ZNF814: variants seen among roughly 807,000 people sequenced by gnomAD.
ZNF814 encodes the protein zinc finger protein 814.
A neutral mutation model predicts 7.5 loss-of-function variants in ZNF814; 5 were observed. The ratio of observed to expected loss-of-function variants is 0.67; its 90% CI spans 0.35 to 1.40. The LOEUF (loss-of-function observed/expected upper bound fraction) is 1.40. Among genes scored for constraint, ZNF814 ranks in the 40% most tolerant of loss-of-function variants. ZNF814 has a pLI of 0.04. For synonymous variants in ZNF814, 315 were observed against 340.7 expected (o/e 0.92, Z 0.83); for missense variants, 962 against 1,018.0 (o/e 0.94, Z 0.75).
At chr19:57,888,251 A>C (rs1168138425) in intron 1 of ZNF814, among the ~76,000 whole-genome samples, 1 of 152,176 alleles carries the variant, frequency 6.6e-6, no homozygotes, top group Non-Finnish European at 1.5e-5. Flanking sequence ...CTCTGTGCCC[A>C]TGGCCAACTA....
chr19:57,902,664 CTTTT>C, the ZNF814 span, among the ~76,000 whole-genome samples: 1 of 143,662 alleles, frequency 7.0e-6, no homozygotes, highest in Admixed American at 6.9e-5. Context: ...TATTACTCTT[CTTTT>C]TTTTTTTTTG....
chr19:57,903,288 T>C, the ZNF814 span, among the ~76,000 whole-genome samples: 5 of 152,200 alleles, frequency 3.3e-5, no homozygotes, highest in East Asian at 9.6e-4. Context: ...CACTCATCTG[T>C]GCAAACTGTC....
chr19:57,890,779 A>G (rs187132859), upstream of ZNF814, among the ~76,000 whole-genome samples: 81 of 152,204 alleles, frequency 5.3e-4, no homozygotes, highest in African/African-American at 1.8e-3. Flanking sequence ...TTTCTAATCT[A>G]TGGGGCCCTA....
upstream of ZNF814, among the ~76,000 whole-genome samples, chr19:57,890,159 G>T (rs2071726768): frequency 6.6e-6 from 1 of 152,196 alleles, no homozygotes; most frequent in African/African-American, 2.4e-5. Flanking sequence ...TTGTTAAAAT[G>T]AACGTGTAAA....
Position 57,871,405 on chromosome 19 carries a change from T to C in ZNF814, c.*1417A>G, listed in dbSNP as rs1436656404. ...TGGAGAAAGCTACATTCTGCATTCA[T>C]ACTGTTCCATGAGCCACAAAGTTTA... On this transcript the variant is annotated 3_prime_UTR_variant, in exon 3 of 3. Coordinates refer to ENST00000435989, the MANE Select transcript of ZNF814 (RefSeq NM_001144989.2). 3 of 152,206 alleles carry C rather than the reference T, an allele frequency of 2.0e-5. No homozygotes were observed. 9.4% of individuals were successfully genotyped at this position (152,206 alleles called of 1,614,324 possible). A position where few individuals can be genotyped will look rare whatever the true frequency, so the allele number is the denominator to read the frequency against.
At chr19:57,889,565 T>C (rs1375483277), upstream of ZNF814, among the ~76,000 whole-genome samples, 1 of 150,976 alleles carries the variant, frequency 6.6e-6, no homozygotes. Flanking sequence ...ACCTCTTATC[T>C]AAAAAATAAA....
At chr19:57,892,507 A>G (rs1033673521), upstream of ZNF814, among the ~76,000 whole-genome samples, 3 of 152,198 alleles carry the variant, frequency 2.0e-5, no homozygotes, top group African/African-American at 7.2e-5. Context: ...CTCTCAGTAA[A>G]GTCCCTCTTG....
intron 1 of ZNF814, among the ~76,000 whole-genome samples, chr19:57,884,056 C>T (rs777840865): frequency 3.9e-4 from 60 of 152,064 alleles, no homozygotes; most frequent in Non-Finnish European, 8.1e-4. Context: ...CGAGCCTGGC[C>T]GACAAAGACT....
At chr19:57,904,195 A>G in the ZNF814 span, among the ~76,000 whole-genome samples, 2 of 152,324 alleles carry the variant, frequency 1.3e-5, no homozygotes, top group East Asian at 1.9e-4. Flanking sequence ...GTAGCAGAGC[A>G]TATGCTAAGC....
chr19:57,888,006 C>T (rs952984814), intron 1 of ZNF814, among the ~76,000 whole-genome samples: 5 of 152,144 alleles, frequency 3.3e-5, no homozygotes, highest in African/African-American at 1.2e-4. Flanking sequence ...CCTCCCCTTC[C>T]TAAACCAAAG....
At position 57,872,543 on chromosome 19, in the gene ZNF814, T is replaced by C. The variant is rs58878435; in HGVS notation, c.*279A>G. On this transcript the variant is annotated 3_prime_UTR_variant, in exon 3 of 3. Coordinates refer to ENST00000435989, the MANE Select transcript of ZNF814 (RefSeq NM_001144989.2). ...TATTCAAGGAGAAAAGACCTTCAGGTAACTTTTTTCCCACATTTGCTGCAA... is the reference window on the plus strand; with the variant it reads ...TATTCAAGGAGAAAAGACCTTCAGGCAACTTTTTTCCCACATTTGCTGCAA... The C allele has an allele frequency of 0.014, 10,393 of 766,250 alleles. 683 individuals are homozygous for C. The African/African-American group carries it at 0.15, about 11-fold the overall frequency. 47.5% of individuals were successfully genotyped at this position (766,250 alleles called of 1,614,324 possible).
chr19:57,878,727 G>A (rs921046425), intron 1 of ZNF814, among the ~76,000 whole-genome samples: 4 of 152,060 alleles, frequency 2.6e-5, no homozygotes, highest in East Asian at 1.9e-4. Context: ...CTAAAGTGCC[G>A]GGATTACAGG....
chr19:57,897,177 T>TA, the ZNF814 span, among the ~76,000 whole-genome samples: 2 of 152,186 alleles, frequency 1.3e-5, no homozygotes, highest in Non-Finnish European at 2.9e-5. Context: ...TACAGCTTCT[T>TA]ACATATGAAA....
At chr19:57,900,466 C>G in the ZNF814 span, 39,085 of 152,052 alleles carry the variant, frequency 0.26, 5,121 homozygotes, top group South Asian at 0.28. Flanking sequence ...ACGTTCCATT[C>G]CTTAACCCAT....
chr19:57,872,934 T>C lies in ZNF814; in HGVS notation c.2456A>G (p.Lys819Arg), dbSNP rs370462394. 7 of 1,613,628 alleles carry C rather than the reference T, an allele frequency of 4.3e-6. No individual in the cohort carries two copies. The highest frequency in any genetic ancestry group is 2.7e-5 in the African/African-American group (2 of 74,856). Residue 819 changes from lysine (K) to arginine (R), a missense_variant, in exon 3 of 3, where the codon AAG (lysine) becomes AGG (arginine). Lys to Arg is a conservative substitution (Grantham distance 26). Coordinates refer to ENST00000435989, the MANE Select transcript of ZNF814 (RefSeq NM_001144989.2). ...AGGCTTTTCTCCAGTGTGAACTCTC[T>C]TGTGTTTAGTGAGACTGGAGCTTTC... ...FAESSSLTKH[K>R]RVHTGEKPYK...
chr19:57,871,937 T>C lies in ZNF814; in HGVS notation c.*885A>G, dbSNP rs2071560029. Among the ~76,000 whole-genome samples the C allele has an allele frequency of 6.6e-6, 1 of 151,864 alleles. No homozygotes were observed. The highest frequency in any genetic ancestry group is 1.5e-5 in the Non-Finnish European group (1 of 67,990). On this transcript the variant is annotated 3_prime_UTR_variant, in exon 3 of 3. Coordinates refer to ENST00000435989, the MANE Select transcript of ZNF814 (RefSeq NM_001144989.2). ...CAGCCTGGGCAACATGGTGAGACCC[T>C]GTCTCTCCAAAACTTAAAAAAATTA... is the stretch of plus-strand genomic sequence containing the variant.
At chr19:57,883,538 G>A (rs749982548) in intron 1 of ZNF814, among the ~76,000 whole-genome samples, 4 of 151,536 alleles carry the variant, frequency 2.6e-5, no homozygotes, top group Non-Finnish European at 4.4e-5. Flanking sequence ...GTGCACACCT[G>A]TAGTCCCACC....
At chr19:57,892,818 CTCCTTTCCCTTTCTTATCTT>C (rs1427636523), upstream of ZNF814, among the ~76,000 whole-genome samples, 1 of 152,204 alleles carries the variant, frequency 6.6e-6, no homozygotes, top group Non-Finnish European at 1.5e-5. Flanking sequence ...TTTTCTCTGT[CTCCTTTCCCTTTCTTATCTT>C]TTCTGTTATT....
At position 57,874,194 on chromosome 19, in the gene ZNF814, T is replaced by A. The variant is rs749757764; in HGVS notation, c.1196A>T (p.Gln399Leu). 2 of 1,577,180 alleles carry A rather than the reference T, an allele frequency of 1.3e-6. No homozygotes were observed. Among genetic ancestry groups the A allele is most frequent in the African/African-American group, 2.7e-5 (2 of 73,486 alleles). Reference protein sequence around the residue: ...FSKYASFSNHQRVHTDKKHYE... With the variant: ...FSKYASFSNHLRVHTDKKHYE... ...ATGTTTTTTGTCAGTGTGAACTCTC[T>A]GATGATTACTGAAGCTAGCATATTT... The change falls in exon 3 of 3, where the codon CAG becomes CTG. Residue 399 changes from glutamine to leucine, a missense_variant. Coordinates refer to ENST00000435989, the MANE Select transcript of ZNF814 (RefSeq NM_001144989.2).
Sources: allele counts gnomAD v4.1 joint callset (sites outside exome capture counted in the v4.1 genomes callset), GRCh38; gene constraint gnomAD v4.1.1; transcripts MANE v1.5; gene names NCBI Gene and HGNC (gene_info 2026-07-23, HGNC 2026-07-21).